The following A1CF variants were observed in gnomAD, a reference collection of about 807,000 sequenced individuals.
A1CF encodes APOBEC1 complementation factor, also known as APOBEC-1 stimulating protein.
A1CF carries 48 observed loss-of-function variants against 68.9 expected under a neutral mutation model. The ratio of observed to expected loss-of-function variants is 0.70; its 90% CI spans 0.55 to 0.89. The LOEUF is 0.89. Ranked by LOEUF, A1CF falls within the 40% of genes least tolerant of loss-of-function variation. A1CF has a pLI of 0.00. For synonymous variants in A1CF, 272 were observed against 260.4 expected, an observed-to-expected ratio of 1.04 and a Z score of -0.43; for missense variants, 653 against 718.9, an observed-to-expected ratio of 0.91 and a Z score of 1.05.
rs997503798 is a variant in A1CF at position 50,800,367 on chromosome 10, A to G, written c.*6362T>C. The G allele has an allele frequency of 1.3e-5, 2 of 152,114 alleles. No homozygotes were observed. Among genetic ancestry groups the G allele is most frequent in the African/African-American group, 4.8e-5 (2 of 41,434 alleles). The allele number at this position is 152,114 out of a possible 1,614,324, so 9.4% of individuals were successfully genotyped here. Reference sequence around the variant, plus strand: ...CCATAATAGGTGAAGTGTTAAATTCACCTTTTAAAAGGCTTATTGTATCAG... The same window carrying G: ...CCATAATAGGTGAAGTGTTAAATTCGCCTTTTAAAAGGCTTATTGTATCAG... On this transcript the variant is annotated 3_prime_UTR_variant, in exon 13 of 13. Transcript: ENST00000373997.
rs1303868682 is a variant in A1CF, at chr10:50,816,184, G to A, written c.963C>T (p.Thr321=). ...RYTRGTGGRG[T]MLQGEYTYSL... ...AGTAGGTATACTCTCCTTGCAGCAT[G>A]GTGCCCCTTCCACCTGTGCCTCGGG... The change falls in exon 9 of 13, where the codon ACC becomes ACT. Residue 321 remains threonine (T), a synonymous_variant. Transcript: ENST00000373997. The A allele has an allele frequency of 6.2e-7, 1 of 1,613,754 alleles. No homozygotes were observed. Among genetic ancestry groups the A allele is most frequent in the Non-Finnish European group, 8.5e-7 (1 of 1,179,846 alleles).
chr10:50,804,362 G>A lies in A1CF; in HGVS notation c.*2367C>T, dbSNP rs537753887. ...ATGTATTAACTAATCTTTTCATTGC[G>A]ATTAAATTTAAAACTTCTCTAAATC... On this transcript the variant is annotated 3_prime_UTR_variant, in exon 13 of 13. Transcript: ENST00000373997. 9 of 152,122 alleles carry A rather than the reference G, an allele frequency of 5.9e-5. No homozygotes were observed. The highest frequency in any genetic ancestry group is 1.2e-4 in the Non-Finnish European group (8 of 67,964). 9.4% of individuals were successfully genotyped at this position (152,122 alleles called of 1,614,324 possible).
chr10:50,865,465 A>G (rs150420562), intron 1 of A1CF, among the ~76,000 whole-genome samples: 2 of 152,312 alleles, frequency 1.3e-5, no homozygotes, highest in Non-Finnish European at 2.9e-5. Context: ...AATATTAGCT[A>G]TTATATCATT....
At chr10:50,874,354 T>G (rs1841407286) in intron 1 of A1CF, among the ~76,000 whole-genome samples, 2 of 152,242 alleles carry the variant, frequency 1.3e-5, no homozygotes, top group African/African-American at 4.8e-5. Context: ...TTTTAGCATA[T>G]TCTCATAAAG....
intron 3 of A1CF, among the ~76,000 whole-genome samples, chr10:50,852,081 C>T (rs1840273615): frequency 6.6e-6 from 1 of 152,196 alleles, no homozygotes; most frequent in Non-Finnish European, 1.5e-5. Flanking sequence ...CCAAAGTCCA[C>T]AAGACCTGCT....
At chr10:50,825,227 A>G (rs546007397) in intron 7 of A1CF, among the ~76,000 whole-genome samples, 18 of 152,266 alleles carry the variant, frequency 1.2e-4, no homozygotes, top group Admixed American at 3.9e-4. Flanking sequence ...TGACAGCACC[A>G]TGGCCCACCC....
chr10:50,873,263 T>C (rs1305708654), intron 1 of A1CF, among the ~76,000 whole-genome samples: 6 of 152,140 alleles, frequency 3.9e-5, no homozygotes, highest in African/African-American at 1.4e-4. Flanking sequence ...GCCATTTAAA[T>C]TCTTTAAAGT....
chr10:50,850,915 T>G, intron 3 of A1CF: 1 of 1,304,208 alleles, frequency 7.7e-7, no homozygotes, highest in South Asian at 1.6e-5. Flanking sequence ...AACTTTTTTG[T>G]TTACTTACAA....
At chr10:50,845,393 T>G (rs1302413527) in intron 3 of A1CF, among the ~76,000 whole-genome samples, 1 of 152,240 alleles carries the variant, frequency 6.6e-6, no homozygotes, top group Admixed American at 6.5e-5. Context: ...TTTATTTACT[T>G]CTTTTCAAAC....
intron 7 of A1CF, among the ~76,000 whole-genome samples, chr10:50,821,305 G>A (rs1838660723): frequency 1.3e-5 from 2 of 152,100 alleles, no homozygotes; most frequent in South Asian, 2.1e-4. Context: ...CTAAAGATTG[G>A]AAACAATGTA....
intron 6 of A1CF, among the ~76,000 whole-genome samples, chr10:50,828,951 C>T (rs1349562368): frequency 6.6e-6 from 1 of 152,142 alleles, no homozygotes; most frequent in African/African-American, 2.4e-5. Flanking sequence ...AGACAGATGA[C>T]AAGCAATGGA....
chr10:50,845,340 A>T (rs1839949365), intron 3 of A1CF, among the ~76,000 whole-genome samples: 1 of 152,202 alleles, frequency 6.6e-6, no homozygotes, highest in African/African-American at 2.4e-5. Flanking sequence ...GAATTACCTT[A>T]AAAATGTGCA....
intron 3 of A1CF, among the ~76,000 whole-genome samples, chr10:50,848,508 A>G (rs959046192): frequency 2.0e-5 from 3 of 152,150 alleles, no homozygotes; most frequent in Non-Finnish European, 4.4e-5. Flanking sequence ...CCAGATGGTT[A>G]TTGTTTCCCA....
intron 3 of A1CF, among the ~76,000 whole-genome samples, chr10:50,847,106 T>G (rs1840037518): frequency 6.6e-6 from 1 of 152,190 alleles, no homozygotes; most frequent in East Asian, 1.9e-4. Context: ...AACTGCTCTT[T>G]TCTCTCCTAG....
chr10:50,815,213 C>T (rs1838307436), intron 9 of A1CF, among the ~76,000 whole-genome samples: 1 of 152,142 alleles, frequency 6.6e-6, no homozygotes, highest in South Asian at 2.1e-4. Context: ...AAAAACTCAT[C>T]TGAAGGAGCC....
At chr10:50,875,394 G>A (rs1324317871) in intron 1 of A1CF, among the ~76,000 whole-genome samples, 1 of 152,194 alleles carries the variant, frequency 6.6e-6, no homozygotes, top group African/African-American at 2.4e-5. Flanking sequence ...CATAAAACTA[G>A]TACTTGTTGT....
chr10:50,864,835 C>T (rs1840910049), intron 1 of A1CF, among the ~76,000 whole-genome samples: 1 of 152,092 alleles, frequency 6.6e-6, no homozygotes, highest in Non-Finnish European at 1.5e-5. Context: ...TCAGGCTGGT[C>T]TCGACCTCCT....
chr10:50,853,745 C>T (rs1240315232), intron 3 of A1CF, among the ~76,000 whole-genome samples: 1 of 98,722 alleles, frequency 1.0e-5, no homozygotes, highest in Non-Finnish European at 2.1e-5. Context: ...GAGTTGGAGT[C>T]AGCAATTTTT....
At chr10:50,854,812 T>C (rs1270517438) in intron 3 of A1CF, among the ~76,000 whole-genome samples, 1 of 151,912 alleles carries the variant, frequency 6.6e-6, no homozygotes, top group African/African-American at 2.4e-5. Context: ...GATGTTTATT[T>C]AGGATGATCA....
Sources: allele counts gnomAD v4.1 joint callset (sites outside exome capture counted in the v4.1 genomes callset), GRCh38; gene constraint gnomAD v4.1.1; transcripts MANE v1.5; gene names NCBI Gene and HGNC (gene_info 2026-07-23, HGNC 2026-07-21).